Variants in CSMD1 observed in about 807,000 individuals in gnomAD.
CSMD1 encodes the protein CUB and sushi domain-containing protein 1.
A neutral mutation model predicts 417.5 loss-of-function variants in CSMD1; 213 were observed. The ratio of observed to expected loss-of-function variants is 0.51; its 90% CI spans 0.46 to 0.57. The LOEUF (loss-of-function observed/expected upper bound fraction) is 0.57. Ranked by LOEUF, CSMD1 falls within the 20% of genes least tolerant of loss-of-function variation. The pLI, the probability that CSMD1 is intolerant of heterozygous loss-of-function variation, is 0.00. For missense variants in CSMD1, 6,923 were observed against 4,529.7 expected, an observed-to-expected ratio of 1.53 and a Z score of -15.17; for synonymous variants, 2,862 against 1,736.8, an observed-to-expected ratio of 1.65 and a Z score of -16.11.
At chr8:4,174,529 C>G (rs532841984) in intron 3 of CSMD1, among the ~76,000 whole-genome samples, 1 of 150,952 alleles carries the variant, frequency 6.6e-6, no homozygotes, top group East Asian at 2.0e-4. Context: ...ACCCCCATGT[C>G]CACCCACCTC....
rs116615974 is a variant in CSMD1 at position 3,944,984 on chromosome 8, C to G, written c.818+52919G>C. On this transcript the variant is annotated intron_variant, in intron 5 of 69. Coordinates refer to ENST00000635120, the MANE Select transcript of CSMD1 (RefSeq NM_033225.6). The stretch of plus-strand genomic sequence containing the variant: ...ACAAAGATATCTAATAATTATCCAT[C>G]TAATGCGGTTCACCCGCAAGTCAAA... 7.1e-3 allele frequency among the ~76,000 whole-genome samples: 1,083 copies of G among 152,268 alleles called. 18 individuals carry two copies. Among genetic ancestry groups the G allele is most frequent in the African/African-American group, 0.025 (1,052 of 41,576 alleles).
intron 5 of CSMD1, among the ~76,000 whole-genome samples, chr8:3,815,735 T>C (rs538265037): frequency 1.3e-5 from 2 of 152,006 alleles, no homozygotes; most frequent in East Asian, 3.9e-4. Context: ...GAGATTCTCA[T>C]GTACATAACA....
chr8:3,368,931 T>A (rs1316198581), intron 19 of CSMD1, among the ~76,000 whole-genome samples: 1 of 152,190 alleles, frequency 6.6e-6, no homozygotes, highest in Non-Finnish European at 1.5e-5. Flanking sequence ...AATCGCTTAT[T>A]TCCCTTTATT....
chr8:3,733,367 T>C (rs1275888697), intron 6 of CSMD1, among the ~76,000 whole-genome samples: 1 of 147,886 alleles, frequency 6.8e-6, no homozygotes, highest in Non-Finnish European at 1.5e-5. Context: ...ATAATATATA[T>C]ATAAAATATA....
At chr8:3,730,396 C>G (rs1449635345) in intron 6 of CSMD1, among the ~76,000 whole-genome samples, 1 of 115,326 alleles carries the variant, frequency 8.7e-6, no homozygotes, top group Non-Finnish European at 1.7e-5. Flanking sequence ...TGCCCTGTGT[C>G]TGATCACCAC....
At chr8:4,121,876 C>T (rs1802506575) in intron 3 of CSMD1, among the ~76,000 whole-genome samples, 2 of 152,022 alleles carry the variant, frequency 1.3e-5, no homozygotes, top group South Asian at 4.1e-4. Flanking sequence ...GAAATTTAAA[C>T]TATTAGAATG....
intron 5 of CSMD1, among the ~76,000 whole-genome samples, chr8:3,845,354 G>A (rs1009008901): frequency 6.6e-6 from 1 of 152,170 alleles, no homozygotes; most frequent in Admixed American, 6.6e-5. Flanking sequence ...GTTGCTCCTG[G>A]ACCACACACC....
intron 2 of CSMD1, among the ~76,000 whole-genome samples, chr8:4,549,243 T>C (rs1585235435): frequency 6.6e-6 from 1 of 152,142 alleles, no homozygotes; most frequent in Non-Finnish European, 1.5e-5. Flanking sequence ...CCCTACCATA[T>C]TCCAGAATGC....
chr8:3,582,318 CTAATGGATGAATCCAT>C (rs1460593993), intron 9 of CSMD1, among the ~76,000 whole-genome samples: 1 of 152,102 alleles, frequency 6.6e-6, no homozygotes, highest in Non-Finnish European at 1.5e-5. Flanking sequence ...CACCTCTTCT[CTAATGGATGAATCCAT>C]TATCGGAAGC....
chr8:3,344,785 C>T (rs569145499), intron 22 of CSMD1, among the ~76,000 whole-genome samples: 6 of 152,204 alleles, frequency 3.9e-5, no homozygotes, highest in Admixed American at 2.6e-4. Flanking sequence ...GATATAGATA[C>T]TCAGAAAAGG....
At chr8:4,455,675 A>C (rs1203691948) in intron 2 of CSMD1, among the ~76,000 whole-genome samples, 1 of 151,976 alleles carries the variant, frequency 6.6e-6, no homozygotes, top group Non-Finnish European at 1.5e-5. Flanking sequence ...TCACCCCTGT[A>C]ATCTCAGCAC....
At chr8:3,084,287 G>A (rs550989156) in intron 49 of CSMD1, among the ~76,000 whole-genome samples, 1 of 152,162 alleles carries the variant, frequency 6.6e-6, no homozygotes, top group East Asian at 1.9e-4. Flanking sequence ...ACTTTGGGAG[G>A]CTGAGGCAGG....
intron 3 of CSMD1, among the ~76,000 whole-genome samples, chr8:4,383,281 A>G (rs1264480150): frequency 3.3e-5 from 5 of 152,170 alleles, no homozygotes; most frequent in South Asian, 2.1e-4. Flanking sequence ...TTCCTTTCCA[A>G]GGGCAAGATA....
chr8:4,945,656 T>A (rs1808315927), intron 1 of CSMD1, among the ~76,000 whole-genome samples: 2 of 152,126 alleles, frequency 1.3e-5, no homozygotes, highest in African/African-American at 2.4e-5. Context: ...GAATTAGTTT[T>A]GGGAAAGGAG....
chr8:3,469,998 G>T (rs1440526146), intron 11 of CSMD1, among the ~76,000 whole-genome samples: 1 of 152,090 alleles, frequency 6.6e-6, no homozygotes, highest in Non-Finnish European at 1.5e-5. Flanking sequence ...TTATTGAAGT[G>T]TAACAAGCCA....
intron 5 of CSMD1, among the ~76,000 whole-genome samples, chr8:3,922,254 A>G (rs1486157346): frequency 2.0e-5 from 3 of 151,946 alleles, no homozygotes; most frequent in African/African-American, 7.2e-5. Context: ...TTTACTTTCA[A>G]CCTATGTGTG....
intron 17 of CSMD1, among the ~76,000 whole-genome samples, chr8:3,390,484 G>A (rs979041649): frequency 1.3e-5 from 2 of 151,884 alleles, no homozygotes; most frequent in African/African-American, 2.4e-5. Flanking sequence ...GGGAAAGGTA[G>A]GGCAAAGTCC....
At chr8:3,583,382 G>T (rs969076218) in intron 9 of CSMD1, among the ~76,000 whole-genome samples, 1 of 151,958 alleles carries the variant, frequency 6.6e-6, no homozygotes, top group Non-Finnish European at 1.5e-5. Flanking sequence ...GCCTCGAATA[G>T]ACTGCTAGTA....
intron 12 of CSMD1, among the ~76,000 whole-genome samples, chr8:3,434,512 C>A (rs1337439686): frequency 1.3e-5 from 2 of 152,080 alleles, no homozygotes; most frequent in Non-Finnish European, 2.9e-5. Context: ...ATAGACAGTT[C>A]AAAAATGTTC....
Sources: allele counts gnomAD v4.1 joint callset (sites outside exome capture counted in the v4.1 genomes callset), GRCh38; gene constraint gnomAD v4.1.1; transcripts MANE v1.5; gene names NCBI Gene and HGNC (gene_info 2026-07-23, HGNC 2026-07-21).